DSCAML1: variants seen among roughly 807,000 people sequenced by gnomAD.
DSCAML1 encodes cell adhesion molecule DSCAML1.
In DSCAML1, 38 loss-of-function variants were observed where a neutral mutation model predicts 200.5. The ratio of observed to expected loss-of-function variants is 0.19; its 90% confidence interval spans 0.15 to 0.25. The LOEUF is 0.25. DSCAML1 is among the 10% of genes least tolerant of loss of function. The pLI is 1.00. For missense variants in DSCAML1, 2,223 were observed against 2,858.8 expected, an observed-to-expected ratio of 0.78 and a Z score of 5.07; for synonymous variants, 1,215 against 1,165.0, an observed-to-expected ratio of 1.04 and a Z score of -0.87.
intron 3 of DSCAML1, among the ~76,000 whole-genome samples, chr11:117,602,679 G>A (rs188667434): frequency 7.2e-5 from 11 of 152,178 alleles, no homozygotes; most frequent in African/African-American, 1.9e-4. Flanking sequence ...CCTCTCTTTC[G>A]ACTCTGCAAC....
intron 1 of DSCAML1, among the ~76,000 whole-genome samples, chr11:117,785,332 C>T (rs1407699550): frequency 2.0e-5 from 3 of 152,068 alleles, no homozygotes; most frequent in East Asian, 1.9e-4. Context: ...AGAGAAAAAG[C>T]GTTGGGAAGA....
chr11:117,681,912 G>C lies in DSCAML1; in HGVS notation c.511+94879C>G, dbSNP rs554778159. Among the ~76,000 whole-genome samples the C allele has an allele frequency of 2.0e-5, 3 of 152,226 alleles. No individual in the cohort carries two copies. The East Asian group carries it at 5.8e-4, about 29-fold the overall frequency. ...ATAGAATTATTTAAGCTCCTAACTG[G>C]TTGCCCTGTCCCAGTCTCTCTCTCC... is the stretch of plus-strand genomic sequence containing the variant. On this transcript the variant is annotated intron_variant, in intron 3 of 32. Transcript: ENST00000651296.
rs1470835850 is a variant in DSCAML1, at chr11:117,642,483, G to A, written c.512-109961C>T. On this transcript the variant is annotated intron_variant, in intron 3 of 32. Coordinates refer to ENST00000651296, the MANE Select transcript of DSCAML1 (RefSeq NM_020693.4). This position sits in a 1 kb window ranked among gnomAD's most constrained non-coding sequence, Gnocchi z 4.1. The stretch of plus-strand genomic sequence containing the variant: ...TCAGGCCCCACTGCCAACATGCTCA[G>A]TAGGACACTAGACCAGCAAAGCCAC... Among the ~76,000 whole-genome samples the A allele has an allele frequency of 6.6e-6, 1 of 152,228 alleles. No individual in the cohort carries two copies. Among genetic ancestry groups the A allele is most frequent in the East Asian group, 1.9e-4 (1 of 5,196 alleles).
chr11:117,771,235 GA>G (rs1027647365), intron 3 of DSCAML1, among the ~76,000 whole-genome samples: 6 of 152,128 alleles, frequency 3.9e-5, no homozygotes, highest in African/African-American at 1.4e-4. Flanking sequence ...TTAATAAATT[GA>G]ATTTGCATTC....
chr11:117,714,826 GAAAAA>G (rs1555201520), intron 3 of DSCAML1, among the ~76,000 whole-genome samples: 1 of 115,552 alleles, frequency 8.7e-6, no homozygotes, highest in Admixed American at 9.9e-5. Flanking sequence ...TCATCTTGAG[GAAAAA>G]AAAAAAAAAA....
intron 11 of DSCAML1, among the ~76,000 whole-genome samples, chr11:117,501,411 T>A (rs6589611): frequency 0.56 from 85,072 of 152,008 alleles, 24,476 homozygotes; most frequent in African/African-American, 0.69. Context: ...ACAGTGCAGA[T>A]TCACGCAGGC....
intron 3 of DSCAML1, among the ~76,000 whole-genome samples, chr11:117,684,688 G>C (rs1305991318): frequency 6.6e-6 from 1 of 152,192 alleles, no homozygotes; most frequent in Admixed American, 6.5e-5. Flanking sequence ...AAAATGTATT[G>C]CTGAATGTTA....
chr11:117,751,718 A>G (rs1399010490), intron 3 of DSCAML1, among the ~76,000 whole-genome samples: 1 of 152,202 alleles, frequency 6.6e-6, no homozygotes, highest in Non-Finnish European at 1.5e-5. Context: ...ACCTGGGGGA[A>G]AAAATGGAGG....
At chr11:117,657,293 G>C (rs556101677) in intron 3 of DSCAML1, among the ~76,000 whole-genome samples, 1 of 152,158 alleles carries the variant, frequency 6.6e-6, no homozygotes, top group Non-Finnish European at 1.5e-5. Flanking sequence ...AAAGAAAAAT[G>C]AGCCAGCCAG....
chr11:117,689,344 A>C (rs2053457896), intron 3 of DSCAML1, among the ~76,000 whole-genome samples: 1 of 152,236 alleles, frequency 6.6e-6, no homozygotes, highest in Non-Finnish European at 1.5e-5. Context: ...AGAGCTGGTC[A>C]GGTCAGAAAT....
chr11:117,429,040 G>A lies in DSCAML1; in HGVS notation c.5687-237C>T, dbSNP rs143264058. ...TCCCCACAGGATTATTGTGAGGAGC[G>A]AATGAGGTGAGGGAGGTAAAGTGCT... On this transcript the variant is annotated intron_variant, in intron 32 of 32. Coordinates refer to ENST00000651296, the MANE Select transcript of DSCAML1 (RefSeq NM_020693.4). Among the ~76,000 whole-genome samples, 80 of 152,302 alleles carry A rather than the reference G, an allele frequency of 5.3e-4. 1 individual carries two copies. The South Asian group carries it at 0.011, about 21-fold the overall frequency.
At chr11:117,750,240 C>A (rs147111915) in intron 3 of DSCAML1, among the ~76,000 whole-genome samples, 2 of 152,188 alleles carry the variant, frequency 1.3e-5, no homozygotes, top group African/African-American at 2.4e-5. Flanking sequence ...CCAGCCTGCA[C>A]GCTGCACACC....
chr11:117,648,396 G>A (rs188824188), intron 3 of DSCAML1, among the ~76,000 whole-genome samples: 5 of 152,110 alleles, frequency 3.3e-5, no homozygotes, highest in Non-Finnish European at 2.9e-5. Flanking sequence ...CGCAGGACCC[G>A]CTTCCACGCA....
In DSCAML1 at chr11:117,700,891, C is replaced by T. The variant is rs191296343; in HGVS notation, c.511+75900G>A. Among the ~76,000 whole-genome samples the T allele has an allele frequency of 1.8e-4, 28 of 152,348 alleles. 1 individual carries two copies. Among genetic ancestry groups the T allele is most frequent in the South Asian group, 8.3e-4 (4 of 4,828 alleles). ...AGAGATGGAGCCAGTCAGGGTTCACCGCCTACCCTTAAACAAAGCATTTCA... is the reference window on the plus strand; with the variant it reads ...AGAGATGGAGCCAGTCAGGGTTCACTGCCTACCCTTAAACAAAGCATTTCA... On this transcript the variant is annotated intron_variant, in intron 3 of 32. Coordinates refer to ENST00000651296, the MANE Select transcript of DSCAML1 (RefSeq NM_020693.4).
At chr11:117,439,541 G>T in intron 22 of DSCAML1, 112 bp from the exon 23 acceptor site, 1 of 1,384,326 alleles carries the variant, frequency 7.2e-7, no homozygotes, top group Non-Finnish European at 9.8e-7. Flanking sequence ...GCTCGCCAGG[G>T]AACGCCGGGT....
chr11:117,722,733 C>A (rs905813016), intron 3 of DSCAML1, among the ~76,000 whole-genome samples: 3 of 152,166 alleles, frequency 2.0e-5, no homozygotes, highest in Admixed American at 2.0e-4. Context: ...AGGCTGTGGA[C>A]TGGCCCGCCT....
chr11:117,462,594 A>G (rs943184971), intron 17 of DSCAML1, among the ~76,000 whole-genome samples: 2 of 152,242 alleles, frequency 1.3e-5, no homozygotes, highest in Non-Finnish European at 2.9e-5. Flanking sequence ...ATGATAATAC[A>G]TCATCCTAAC....
chr11:117,623,844 C>T (rs930690490), intron 3 of DSCAML1, among the ~76,000 whole-genome samples: 1 of 152,216 alleles, frequency 6.6e-6, no homozygotes, highest in African/African-American at 2.4e-5. Context: ...GAACCCAAGT[C>T]TTCTGACACT....
exon 1 of DSCAML1, chr11:117,817,438 G>C (rs2134093961): frequency 6.6e-6 from 1 of 152,382 alleles, no homozygotes; most frequent in Non-Finnish European, 1.5e-5. Flanking sequence ...GTTCACCTGG[G>C]GAGGCTGAAC....
Sources: allele counts gnomAD v4.1 joint callset (sites outside exome capture counted in the v4.1 genomes callset), GRCh38; gene constraint gnomAD v4.1.1; non-coding constraint Gnocchi (gnomAD v3.1); transcripts MANE v1.5; gene names NCBI Gene and HGNC (gene_info 2026-07-23, HGNC 2026-07-21).